The following RAP1GAP2 variants were observed in gnomAD, a reference collection of about 807,000 sequenced individuals.
RAP1GAP2 encodes the protein RAP1 GTPase activating protein 2.
A neutral mutation model predicts 95.0 loss-of-function variants in RAP1GAP2; 27 were observed. That is an observed-to-expected ratio of 0.28 (90% CI 0.21 to 0.39). The LOEUF is 0.39. RAP1GAP2 is among the 10% of genes least tolerant of loss of function. RAP1GAP2 has a pLI of 1.00. For missense variants in RAP1GAP2, 771 were observed against 970.0 expected (o/e 0.79, Z 2.72); for synonymous variants, 373 against 380.9 (o/e 0.98, Z 0.24).
At chr17:2,839,393 C>A (rs62089721) in intron 2 of RAP1GAP2, among the ~76,000 whole-genome samples, 74,805 of 151,808 alleles carry the variant, frequency 0.49, 18,575 homozygotes, top group Admixed American at 0.57. Context: ...CTCTATAATC[C>A]AGTTCCCTAC....
intron 1 of RAP1GAP2, among the ~76,000 whole-genome samples, chr17:2,766,718 T>G (rs984286510): frequency 3.3e-5 from 5 of 152,276 alleles, no homozygotes; most frequent in African/African-American, 1.2e-4. Context: ...GGCGTCTGCA[T>G]GCCAGGAAGA....
chr17:2,897,864 G>A (rs560057341), intron 2 of RAP1GAP2, among the ~76,000 whole-genome samples: 3 of 151,670 alleles, frequency 2.0e-5, no homozygotes, highest in Non-Finnish European at 4.4e-5. Flanking sequence ...CTCTGCATCC[G>A]TGAACCCTGG....
chr17:2,849,965 G>A, intron 2 of RAP1GAP2, among the ~76,000 whole-genome samples: 2 of 151,356 alleles, frequency 1.3e-5, no homozygotes, highest in Non-Finnish European at 2.9e-5. Context: ...CCTTGGTTTG[G>A]CGCAGGTGTG....
rs558452956 is a variant in RAP1GAP2, at chr17:2,829,418, G to A, written c.80+28868G>A. Reference sequence around the variant, plus strand: ...TCCATAAAGGGCTGGGGCTGGGGTCGTGACCCCGTCGGTAGAAAATGGTCC... The same window carrying A: ...TCCATAAAGGGCTGGGGCTGGGGTCATGACCCCGTCGGTAGAAAATGGTCC... On this transcript the variant is annotated intron_variant, in intron 2 of 24. Coordinates refer to ENST00000254695, the MANE Select transcript of RAP1GAP2 (RefSeq NM_015085.5). Among the ~76,000 whole-genome samples, 8 of 152,150 alleles carry A rather than the reference G, an allele frequency of 5.3e-5. No individual in the cohort carries two copies. In the East Asian group the frequency reaches 5.8e-4, roughly 11 times the overall value.
intron 2 of RAP1GAP2, among the ~76,000 whole-genome samples, chr17:2,823,627 G>A (rs1401438885): frequency 2.0e-5 from 3 of 152,134 alleles, no homozygotes; most frequent in Non-Finnish European, 4.4e-5. Context: ...CGGCTGGGCC[G>A]TCAGAACCCA....
upstream of RAP1GAP2, chr17:2,796,307 C>T (rs1019467443): frequency 1.7e-6 from 1 of 575,418 alleles, no homozygotes; most frequent in Non-Finnish European, 3.1e-6. The surrounding 1 kb of genome is among the most constrained non-coding windows in gnomAD (Gnocchi z 4.7). Context: ...TCCACAACCT[C>T]CTCGGCCTAT....
chr17:3,026,201 G>A (rs1016627189), intron 20 of RAP1GAP2, 80 bp downstream of exon 20: 2 of 1,340,538 alleles, frequency 1.5e-6, no homozygotes, highest in Middle Eastern at 1.8e-4. Flanking sequence ...GGCCAGCTGA[G>A]AGTGGCCATC....
In RAP1GAP2 at chr17:2,797,588, G is replaced by A. The variant is rs112164025; in HGVS notation, c.44+1017G>A. 6.9e-6 allele frequency: 4 copies of A among 579,812 alleles called. No individual in the cohort carries two copies. Among genetic ancestry groups the A allele is most frequent in the South Asian group, 7.6e-5 (1 of 13,230 alleles). The allele number at this position is 579,812 out of a possible 1,614,324, so 35.9% of individuals were successfully genotyped here. A position where few individuals can be genotyped will look rare whatever the true frequency, so the allele number is the denominator to read the frequency against. On this transcript the variant is annotated intron_variant, in intron 1 of 24. Coordinates refer to ENST00000254695, the MANE Select transcript of RAP1GAP2 (RefSeq NM_015085.5). This position sits in a 1 kb window ranked among gnomAD's most constrained non-coding sequence, Gnocchi z 5.6. ...GGGCTGTGTTCCTCGGTAATTTTTC[G>A]CTTCCGTGTGTGTGGCTTATTTCCC...
intron 2 of RAP1GAP2, among the ~76,000 whole-genome samples, chr17:2,859,103 C>T (rs2072264299): frequency 6.7e-6 from 1 of 150,238 alleles, no homozygotes; most frequent in South Asian, 2.1e-4. Flanking sequence ...TATTTTCCTC[C>T]AACTCTTTTT....
rs200846076 is a variant in RAP1GAP2, at chr17:3,008,127, G to T, written c.1476G>T (p.Gly492=). Residue 492 remains glycine, a synonymous_variant, in exon 17 of 25, where the codon GGG becomes GGT. Transcript: ENST00000254695. The surrounding 1 kb of genome is among the most constrained non-coding windows in gnomAD (Gnocchi z 4.2). ...EDKFENGGHG[G]FLESFKRAIR... ...AGTTTGAGAATGGAGGCCACGGGGG[G>T]TTCCTGGAGTCTTTTAAGGTATGAG... 1.2e-6 allele frequency: 2 copies of T among 1,614,014 alleles called. No individual in the cohort carries two copies. Among genetic ancestry groups the T allele is most frequent in the South Asian group, 2.2e-5 (2 of 91,090 alleles).
Position 3,008,124 on chromosome 17 carries a change from G to T in RAP1GAP2, c.1473G>T (p.Gly491=), listed in dbSNP as rs1567889332. The T allele has an allele frequency of 6.2e-7, 1 of 1,614,002 alleles. No homozygotes were observed. The highest frequency in any genetic ancestry group is 8.5e-7 in the Non-Finnish European group (1 of 1,179,876). Residue 491 remains glycine, a synonymous_variant, in exon 17 of 25, where the codon GGG becomes GGT. Transcript: ENST00000254695. This position sits in a 1 kb window ranked among gnomAD's most constrained non-coding sequence, Gnocchi z 4.2. ...ACAAGTTTGAGAATGGAGGCCACGG[G>T]GGGTTCCTGGAGTCTTTTAAGGTAT... ...EEDKFENGGH[G]GFLESFKRAI... is the part of the protein sequence containing the mutation.
intron 3 of RAP1GAP2, among the ~76,000 whole-genome samples, chr17:2,929,119 A>G (rs890499726): frequency 6.6e-6 from 1 of 152,082 alleles, no homozygotes; most frequent in Non-Finnish European, 1.5e-5. Flanking sequence ...TGTAGTCCCA[A>G]CTACTTGGGA....
rs765370883 is a variant in RAP1GAP2 at position 3,004,384 on chromosome 17, C to T, written c.1201-985C>T. Among the ~76,000 whole-genome samples, 5 of 152,236 alleles carry T rather than the reference C, an allele frequency of 3.3e-5. No homozygotes were observed. The highest frequency in any genetic ancestry group is 1.9e-4 in the East Asian group (1 of 5,188). Reference sequence around the variant, plus strand: ...CTCGGTGCCCAGCTGCCTGCTCACCCGGCCTGGCAGACTCTGCATCTGCTC... The same window carrying T: ...CTCGGTGCCCAGCTGCCTGCTCACCTGGCCTGGCAGACTCTGCATCTGCTC... On this transcript the variant is annotated intron_variant, in intron 14 of 24. Coordinates refer to ENST00000254695, the MANE Select transcript of RAP1GAP2 (RefSeq NM_015085.5). The surrounding 1 kb of genome is among the most constrained non-coding windows in gnomAD (Gnocchi z 4.1).
In RAP1GAP2 at chr17:2,762,460, C is replaced by T. The variant is rs1355286956; in HGVS notation, c.50+6693C>T. Among the ~76,000 whole-genome samples the T allele has an allele frequency of 1.8e-3, 265 of 148,786 alleles. 6 individuals carry two copies. Among genetic ancestry groups the T allele is most frequent in the Admixed American group, 0.017 (256 of 14,838 alleles). On this transcript the variant is annotated intron_variant, in intron 1 of 25. Coordinates refer to the RAP1GAP2 transcript ENST00000637138. ...TCGCCGAGGCTGGAGTGCAGTGGCA[C>T]GATCTCGGCTCACTGCAACCTCCAC...
intron 2 of RAP1GAP2, among the ~76,000 whole-genome samples, chr17:2,836,512 A>C (rs116439647): frequency 0.011 from 1,675 of 152,190 alleles, 24 homozygotes; most frequent in African/African-American, 0.039. Flanking sequence ...GGCAACTGCA[A>C]TCCCAGCTCC....
intron 17 of RAP1GAP2, among the ~76,000 whole-genome samples, chr17:3,009,295 T>C (rs1259197242): frequency 6.6e-6 from 1 of 152,214 alleles, no homozygotes; most frequent in African/African-American, 2.4e-5. Context: ...TACAGTTGTA[T>C]AAAGTGAAAG....
intron 8 of RAP1GAP2, among the ~76,000 whole-genome samples, chr17:2,972,144 AACCTG>A (rs1333942214): frequency 1.3e-5 from 2 of 152,356 alleles, no homozygotes; most frequent in South Asian, 4.1e-4. Flanking sequence ...GTAAAAAAGA[AACCTG>A]AACAAACCGG....
At position 2,797,087 on chromosome 17, in the gene RAP1GAP2, C is replaced by T. The variant is rs1232759965; in HGVS notation, c.44+516C>T. Among the ~76,000 whole-genome samples, 2 of 151,932 alleles carry T rather than the reference C, an allele frequency of 1.3e-5. No homozygotes were observed. Among genetic ancestry groups the T allele is most frequent in the African/African-American group, 4.8e-5 (2 of 41,348 alleles). On this transcript the variant is annotated intron_variant, in intron 1 of 24. Coordinates refer to ENST00000254695, the MANE Select transcript of RAP1GAP2 (RefSeq NM_015085.5). The surrounding 1 kb of genome is among the most constrained non-coding windows in gnomAD (Gnocchi z 5.6). ...TCTGCGTGTTTGTGTGTGTGATGCT[C>T]CTGTCTGTGCTGTTGTTGTGGCCTT...
rs955503368 is a variant in RAP1GAP2, at chr17:3,031,117, G to A, written c.2184+119G>A. ...AGGGGGCTCCCCGAAGGAGGCAGGG[G>A]AAGCTCTGGGGACGTCTGGCTCCAG... On this transcript the variant is annotated intron_variant, in intron 23 of 24. Coordinates refer to ENST00000254695, the MANE Select transcript of RAP1GAP2 (RefSeq NM_015085.5). 1.1e-5 allele frequency: 13 copies of A among 1,150,502 alleles called. No homozygotes were observed. The African/African-American group carries it at 2.0e-4, about 18-fold the overall frequency. The allele number at this position is 1,150,502 out of a possible 1,614,324, so 71.3% of individuals were successfully genotyped here. A position where few individuals can be genotyped will look rare whatever the true frequency, so the allele number is the denominator to read the frequency against.
Sources: allele counts gnomAD v4.1 joint callset (sites outside exome capture counted in the v4.1 genomes callset), GRCh38; gene constraint gnomAD v4.1.1; non-coding constraint Gnocchi (gnomAD v3.1); transcripts MANE v1.5; gene names NCBI Gene and HGNC (gene_info 2026-07-23, HGNC 2026-07-21).